FAM135B: variants seen among roughly 807,000 people sequenced by gnomAD.
The protein encoded by FAM135B is family with sequence similarity 135 member B.
Under a neutral mutation model 127.7 loss-of-function variants are expected in FAM135B, and 43 were observed. The ratio of observed to expected loss-of-function variants is 0.34; its 90% CI spans 0.26 to 0.43. The LOEUF is 0.43. Ranked by LOEUF, FAM135B falls within the 20% of genes least tolerant of loss-of-function variation. The probability of loss-of-function intolerance (pLI) is 1.00; values close to 1 mark genes in which losing one functional copy is unlikely to be tolerated. For missense variants in FAM135B, 1,558 were observed against 1,725.6 expected, an observed-to-expected ratio of 0.90 and a Z score of 1.72; for synonymous variants, 670 against 665.1, an observed-to-expected ratio of 1.01 and a Z score of -0.11.
intron 15 of FAM135B, among the ~76,000 whole-genome samples, chr8:138,144,130 G>C (rs1391134029): frequency 2.0e-5 from 3 of 152,174 alleles, no homozygotes; most frequent in Non-Finnish European, 4.4e-5. Context: ...TTAAAAATTA[G>C]GTAAAATAGG....
At chr8:138,461,865 G>A (rs990921302) in intron 1 of FAM135B, among the ~76,000 whole-genome samples, 1 of 152,024 alleles carries the variant, frequency 6.6e-6, no homozygotes, top group Non-Finnish European at 1.5e-5. Flanking sequence ...TCTCTGTATC[G>A]TTCAACCCAC....
chr8:138,466,745 C>T (rs147833943), intron 1 of FAM135B, among the ~76,000 whole-genome samples: 1 of 152,268 alleles, frequency 6.6e-6, no homozygotes, highest in East Asian at 1.9e-4. Context: ...GTATGGAGGG[C>T]TGGGATGTTC....
At chr8:138,264,362 C>A (rs1489302201) in intron 4 of FAM135B, among the ~76,000 whole-genome samples, 2 of 152,184 alleles carry the variant, frequency 1.3e-5, no homozygotes, top group Non-Finnish European at 2.9e-5. Context: ...TGTCATGAGA[C>A]AACAGCCAGT....
rs1342713887 is a variant in FAM135B, at chr8:138,338,455, A to G, written c.78-27535T>C. Among the ~76,000 whole-genome samples, 799 of 150,518 alleles carry G rather than the reference A, an allele frequency of 5.3e-3. 9 individuals carry two copies. The highest frequency in any genetic ancestry group is 0.019 in the African/African-American group (766 of 40,310). On this transcript the variant is annotated intron_variant, in intron 2 of 19. Transcript: ENST00000395297. ...CCATCAAAAAGTGGGCAAAGGATATAAACAGACACTTCTCAAAAGAAGACA... is the reference window on the plus strand; with the variant it reads ...CCATCAAAAAGTGGGCAAAGGATATGAACAGACACTTCTCAAAAGAAGACA...
intron 10 of FAM135B, 27 bp downstream of exon 10, chr8:138,178,508 G>C (rs2130978273): frequency 6.2e-7 from 1 of 1,611,896 alleles, no homozygotes; most frequent in Non-Finnish European, 8.5e-7. Flanking sequence ...CATGTGATCA[G>C]AGAATGCACA....
chr8:138,226,187 G>GCGCGCA (rs1458098401), intron 7 of FAM135B, among the ~76,000 whole-genome samples: 7 of 148,756 alleles, frequency 4.7e-5, no homozygotes, highest in African/African-American at 1.8e-4. Flanking sequence ...GTGTGTGTGC[G>GCGCGCA]CGCATGTCAT....
chr8:138,175,879 A>G (rs959752212), intron 11 of FAM135B, among the ~76,000 whole-genome samples: 1 of 152,166 alleles, frequency 6.6e-6, no homozygotes, highest in African/African-American at 2.4e-5. Flanking sequence ...TTCCACTCCT[A>G]TGTGGACAAT....
At chr8:138,144,790 A>C (rs1007746827) in intron 15 of FAM135B, among the ~76,000 whole-genome samples, 2 of 152,202 alleles carry the variant, frequency 1.3e-5, no homozygotes, top group African/African-American at 4.8e-5. Flanking sequence ...TTCCAGGTTG[A>C]ACCCAGCAGC....
At chr8:138,256,814 A>C in intron 4 of FAM135B, 55 bp from the exon 5 acceptor site, 2 of 1,339,142 alleles carry the variant, frequency 1.5e-6, no homozygotes, top group Non-Finnish European at 1.1e-6. Context: ...GTCCAAATGA[A>C]ATACTTAGCT....
At chr8:138,165,294 A>G (rs1051897075) in intron 12 of FAM135B, among the ~76,000 whole-genome samples, 3 of 151,706 alleles carry the variant, frequency 2.0e-5, no homozygotes, top group Non-Finnish European at 4.4e-5. Flanking sequence ...CTAATTTTGT[A>G]TTTTTAGAAG....
At chr8:138,224,567 T>C (rs1355966449) in intron 7 of FAM135B, among the ~76,000 whole-genome samples, 3 of 152,210 alleles carry the variant, frequency 2.0e-5, no homozygotes, top group Non-Finnish European at 2.9e-5. Flanking sequence ...TTCCACATCA[T>C]TGAGTAACAA....
chr8:138,451,076 G>A (rs1836455842), intron 1 of FAM135B, among the ~76,000 whole-genome samples: 1 of 152,152 alleles, frequency 6.6e-6, no homozygotes. Context: ...ACATTCTACT[G>A]CTTTTAAAAA....
intron 1 of FAM135B, among the ~76,000 whole-genome samples, chr8:138,465,611 T>C (rs575236227): frequency 6.6e-6 from 1 of 152,070 alleles, no homozygotes; most frequent in Non-Finnish European, 1.5e-5. Flanking sequence ...ACTCTTTGCT[T>C]AATGCAACTG....
chr8:138,171,808 T>G (rs4909741), intron 11 of FAM135B, among the ~76,000 whole-genome samples: 106,288 of 152,090 alleles, frequency 0.7, 38,461 homozygotes, highest in East Asian at 0.98. Context: ...GTCCGTGAGA[T>G]AGTGGGTTTC....
At chr8:138,231,577 G>T (rs1819912365) in intron 7 of FAM135B, among the ~76,000 whole-genome samples, 1 of 152,152 alleles carries the variant, frequency 6.6e-6, no homozygotes, top group South Asian at 2.1e-4. Context: ...GACAGATATG[G>T]CTTCCAACTT....
chr8:138,286,995 T>C (rs528763857), intron 3 of FAM135B, among the ~76,000 whole-genome samples: 6 of 152,358 alleles, frequency 3.9e-5, no homozygotes, highest in Admixed American at 3.9e-4. Context: ...GGAAGAATAT[T>C]TACATGAGTA....
At chr8:138,312,419 C>G (rs1826758610) in intron 2 of FAM135B, among the ~76,000 whole-genome samples, 1 of 152,102 alleles carries the variant, frequency 6.6e-6, no homozygotes, top group African/African-American at 2.4e-5. Flanking sequence ...GGTTAGGAAC[C>G]TCAGGACCCA....
In FAM135B at chr8:138,207,722, A is replaced by G. The variant is rs1817812508; in HGVS notation, c.670-10053T>C. Among the ~76,000 whole-genome samples the G allele has an allele frequency of 2.6e-5, 4 of 152,194 alleles. No individual in the cohort carries two copies. In the South Asian group the frequency reaches 8.3e-4, roughly 32 times the overall value. On this transcript the variant is annotated intron_variant, in intron 7 of 19. Coordinates refer to ENST00000395297, the MANE Select transcript of FAM135B (RefSeq NM_015912.4). Reference sequence around the variant, plus strand: ...TCAACACGGAGGGACACCCATTAGCATAATAATCCTGGCCTTTCTCTGCCC... The same window carrying G: ...TCAACACGGAGGGACACCCATTAGCGTAATAATCCTGGCCTTTCTCTGCCC...
At chr8:138,430,556 A>C (rs946738913) in intron 1 of FAM135B, among the ~76,000 whole-genome samples, 10 of 152,136 alleles carry the variant, frequency 6.6e-5, no homozygotes, top group Non-Finnish European at 1.0e-4. Context: ...GGCCTCCAAG[A>C]GGATACATTC....
Sources: allele counts gnomAD v4.1 joint callset (sites outside exome capture counted in the v4.1 genomes callset), GRCh38; gene constraint gnomAD v4.1.1; transcripts MANE v1.5; gene names NCBI Gene and HGNC (gene_info 2026-07-23, HGNC 2026-07-21).